The following AR variants were observed in gnomAD, a reference collection of about 807,000 sequenced individuals.
AR encodes androgen receptor, also known as dihydrotestosterone receptor.
In AR, 8 loss-of-function variants were observed where a neutral mutation model predicts 53.9. The ratio of observed to expected loss-of-function variants is 0.15; its 90% confidence interval spans 0.09 to 0.27. The LOEUF is 0.27. AR is among the 10% of genes least tolerant of loss of function. The pLI, the probability that AR is intolerant of heterozygous loss-of-function variation, is 1.00. For missense variants in AR, 639 were observed against 742.5 expected, an observed-to-expected ratio of 0.86 and a Z score of 1.62; for synonymous variants, 359 against 316.4, an observed-to-expected ratio of 1.13 and a Z score of -1.43.
intron 3 of AR, among the ~76,000 whole-genome samples, chrX:67,705,586 G>C (rs775564351): frequency 9.0e-6 from 1 of 111,078 alleles, no homozygotes; most frequent in Non-Finnish European, 1.9e-5. Context: ...TCATGTCATC[G>C]GCAAACAGGG....
chrX:67,664,365 GT>G lies in AR; in HGVS notation c.1768+20961del, dbSNP rs748276574. On this transcript the variant is annotated intron_variant, in intron 2 of 7. Transcript: ENST00000374690. ...GACCCTCAGCTGCAGGTCTGTTGGAGTTTGCTGCAGGTCCACTCCAGACCCT... is the reference window on the plus strand; with the variant it reads ...GACCCTCAGCTGCAGGTCTGTTGGAGTTGCTGCAGGTCCACTCCAGACCCT... Among the ~76,000 whole-genome samples, 10 of 112,237 alleles carry G rather than the reference GT, an allele frequency of 8.9e-5. No individual in the cohort carries two copies. In the East Asian group the frequency reaches 2.8e-3, roughly 32 times the overall value.
At position 67,730,597 on chromosome X, in the gene AR, A is replaced by T. The variant is rs369963066; in HGVS notation, c.*6756A>T. On this transcript the variant is annotated 3_prime_UTR_variant, in exon 8 of 8. Transcript: ENST00000374690. ...TTATCATTGTTGTTAATTTGTTAAA[A>T]CATAAAGAAATCTAAAATTTCAGAT... 2.0e-4 allele frequency: 34 copies of T among 166,436 alleles called. No individual in the cohort carries two copies. The South Asian group carries it at 0.01, about 51-fold the overall frequency. The allele number at this position is 166,436 out of a possible 1,213,427, so 13.7% of individuals were successfully genotyped here. A position where few individuals can be genotyped will look rare whatever the true frequency, so the allele number is the denominator to read the frequency against.
At chrX:67,580,967 A>G (rs1298312401) in intron 1 of AR, among the ~76,000 whole-genome samples, 2 of 112,222 alleles carry the variant, frequency 1.8e-5, no homozygotes, top group African/African-American at 6.5e-5. Flanking sequence ...TTTAACTCTT[A>G]GTTGAATAAT....
chrX:67,629,385 A>G (rs1276171628), intron 1 of AR, among the ~76,000 whole-genome samples: 1 of 109,387 alleles, frequency 9.1e-6, no homozygotes, highest in East Asian at 2.9e-4. Flanking sequence ...TGTGTCAAGG[A>G]ATTTATCCAT....
rs1569265001 is a variant in AR, at chrX:67,546,508, G to GGCGGC, written c.1363_1364insCGGCG (p.Gly455AlafsTer26). ...TGTATGGACCGTGTGGTGGTGGTGG[G>GGCGGC]GGTGGTGGCGGCGGCGGCGGCGGCG... On this transcript the variant is annotated frameshift_variant, in exon 1 of 8. Transcript: ENST00000374690. LOFTEE classifies it high-confidence loss of function. 1 of 965,231 alleles carries GGCGGC rather than the reference G, an allele frequency of 1.0e-6. No individual in the cohort carries two copies. Among genetic ancestry groups the GGCGGC allele is most frequent in the Non-Finnish European group, 1.3e-6 (1 of 763,263 alleles). The allele number at this position is 965,231 out of a possible 1,213,427, so 79.5% of individuals were successfully genotyped here. A position where few individuals can be genotyped will look rare whatever the true frequency, so the allele number is the denominator to read the frequency against.
chrX:67,583,157 A>G (rs911589847), intron 1 of AR, among the ~76,000 whole-genome samples: 3 of 112,132 alleles, frequency 2.7e-5, no homozygotes, highest in African/African-American at 6.5e-5. Flanking sequence ...ATAGGCTACT[A>G]TGAAATCTCT....
intron 1 of AR, among the ~76,000 whole-genome samples, chrX:67,628,427 G>A (rs1290400559): frequency 9.6e-6 from 1 of 104,687 alleles, no homozygotes; most frequent in Non-Finnish European, 2.0e-5. Context: ...CTCATGATTT[G>A]GCTCTCTGTT....
chrX:67,682,888 A>G (rs1277530030), intron 2 of AR, among the ~76,000 whole-genome samples: 1 of 111,916 alleles, frequency 8.9e-6, no homozygotes, highest in Non-Finnish European at 1.9e-5. Context: ...CAGAAAAAAG[A>G]TTCCTTTCAT....
chrX:67,689,906 G>A, intron 3 of AR: 1 of 186,996 alleles, frequency 5.3e-6, no homozygotes, highest in Non-Finnish European at 8.3e-6. Context: ...TTTCCAAGAT[G>A]GAATGAGAAA....
chrX:67,604,063 C>A (rs1033068734), intron 1 of AR, among the ~76,000 whole-genome samples: 2 of 110,583 alleles, frequency 1.8e-5, no homozygotes, highest in Non-Finnish European at 3.8e-5. Context: ...TTAACACTTA[C>A]AGTATAATTC....
intron 1 of AR, chrX:67,569,106 C>T (rs754214477): frequency 1.5e-4 from 157 of 1,055,441 alleles, no homozygotes; most frequent in African/African-American, 9.4e-4. Context: ...CCTAATATTA[C>T]GCAGCCATGA....
In AR at chrX:67,638,214, CA is replaced by C. The variant is rs1925551759; in HGVS notation, c.1617-5040del. Reference sequence around the variant, plus strand: ...GTATATGTGCCACAATTTCTTTATCCAATCTATCATTGATGGGCATTTCAGT... The same window carrying C: ...GTATATGTGCCACAATTTCTTTATCCATCTATCATTGATGGGCATTTCAGT... On this transcript the variant is annotated intron_variant, in intron 1 of 7. Transcript: ENST00000374690. 4.5e-5 allele frequency among the ~76,000 whole-genome samples: 5 copies of C among 111,898 alleles called. No individual in the cohort carries two copies. The Admixed American group carries it at 4.7e-4, about 11-fold the overall frequency.
At position 67,545,229 on chromosome X, in the gene AR, A is replaced by T. The variant is rs2147314072; in HGVS notation, c.83A>T (p.Gln28Leu). The change falls in exon 1 of 8, where the codon CAG becomes CTG. Residue 28 changes from glutamine (Q) to leucine (L), a missense_variant. Transcript: ENST00000374690. ...TYRGAFQNLF[Q>L]SVREVIQNPG... Reference sequence around the variant, plus strand: ...CGAGGAGCTTTCCAGAATCTGTTCCAGAGCGTGCGCGAAGTGATCCAGAAC... The same window carrying T: ...CGAGGAGCTTTCCAGAATCTGTTCCTGAGCGTGCGCGAAGTGATCCAGAAC... 1 of 1,210,661 alleles carries T rather than the reference A, an allele frequency of 8.3e-7. No homozygotes were observed. The highest frequency in any genetic ancestry group is 1.1e-6 in the Non-Finnish European group (1 of 895,258).
chrX:67,646,993 G>C (rs1411601646), intron 2 of AR, among the ~76,000 whole-genome samples: 1 of 111,120 alleles, frequency 9.0e-6, no homozygotes, highest in Admixed American at 9.6e-5. Flanking sequence ...TTTTCTCCTT[G>C]TGATCATTGC....
chrX:67,702,803 G>T (rs1028762569), intron 3 of AR, among the ~76,000 whole-genome samples: 5 of 112,420 alleles, frequency 4.4e-5, no homozygotes, highest in African/African-American at 1.6e-4. Context: ...TCAGTTCCAG[G>T]CTGGGTGTGG....
intron 2 of AR, among the ~76,000 whole-genome samples, chrX:67,650,583 A>T (rs1449212703): frequency 8.9e-6 from 1 of 112,494 alleles, no homozygotes; most frequent in Non-Finnish European, 1.9e-5. Context: ...TCATTGTAAA[A>T]CAACAATATC....
At chrX:67,610,165 G>A (rs1923815959) in intron 1 of AR, among the ~76,000 whole-genome samples, 1 of 111,225 alleles carries the variant, frequency 9.0e-6, no homozygotes, top group South Asian at 3.8e-4. Flanking sequence ...TGTCCTACGA[G>A]TGTCCAGAAT....
At chrX:67,604,603 A>G (rs998995802) in intron 1 of AR, among the ~76,000 whole-genome samples, 1 of 111,355 alleles carries the variant, frequency 9.0e-6, no homozygotes, top group African/African-American at 3.3e-5. Context: ...CTGTTTATAT[A>G]GAGTCCCTGG....
chrX:67,718,466 T>A (rs905204807), intron 5 of AR, among the ~76,000 whole-genome samples: 1 of 111,857 alleles, frequency 8.9e-6, no homozygotes, highest in East Asian at 2.8e-4. Context: ...GAAAGACCTT[T>A]AACTTTTCCG....
Sources: gnomAD v4.1 joint callset for allele counts (sites outside exome capture counted in the v4.1 genomes callset) on GRCh38, gnomAD v4.1.1 for gene constraint, MANE v1.5 for transcripts, NCBI Gene and HGNC (gene_info 2026-07-23, HGNC 2026-07-21) for gene names.